Variants in NRXN1 observed in about 807,000 individuals in gnomAD.
The protein encoded by NRXN1 is neurexin-1.
In NRXN1, 39 loss-of-function variants were observed where a neutral mutation model predicts 150.9. That is an observed-to-expected ratio of 0.26 (90% CI 0.20 to 0.34). The LOEUF is 0.34. Among genes scored for constraint, NRXN1 ranks in the 10% least tolerant of loss-of-function variants. The pLI, the probability that NRXN1 is intolerant of heterozygous loss-of-function variation, is 1.00. For synonymous variants in NRXN1, 924 were observed against 757.0 expected, an observed-to-expected ratio of 1.22 and a Z score of -3.62; for missense variants, 1,815 against 1,949.9, an observed-to-expected ratio of 0.93 and a Z score of 1.30.
chr2:50,674,130 T>G (rs1689232494), intron 5 of NRXN1, among the ~76,000 whole-genome samples: 1 of 152,054 alleles, frequency 6.6e-6, no homozygotes, highest in Admixed American at 6.6e-5. Context: ...TAAAATAATG[T>G]GTAATAACAG....
chr2:50,976,792 C>T (rs1292992930), intron 2 of NRXN1, among the ~76,000 whole-genome samples: 1 of 151,462 alleles, frequency 6.6e-6, no homozygotes, highest in African/African-American at 2.4e-5. Flanking sequence ...TTGAGCATAC[C>T]AAAAAAATCA....
At chr2:50,326,435 G>C (rs1278883414) in intron 17 of NRXN1, among the ~76,000 whole-genome samples, 1 of 152,130 alleles carries the variant, frequency 6.6e-6, no homozygotes, top group Non-Finnish European at 1.5e-5. Flanking sequence ...TTTTTCATAA[G>C]TATTTTAATT....
intron 2 of NRXN1, among the ~76,000 whole-genome samples, chr2:51,018,739 A>G (rs1022777240): frequency 1.3e-5 from 2 of 152,090 alleles, no homozygotes; most frequent in African/African-American, 4.8e-5. Context: ...TATTTTCAAT[A>G]ATTTTATCAT....
chr2:50,439,816 C>CA (rs57765606), intron 17 of NRXN1, among the ~76,000 whole-genome samples: 21,090 of 125,956 alleles, frequency 0.17, 2,524 homozygotes, highest in East Asian at 0.45. Context: ...GACTCTGTCT[C>CA]AAAAAAAAAA....
chr2:50,576,581 A>G (rs905670949), intron 8 of NRXN1, among the ~76,000 whole-genome samples: 1 of 152,076 alleles, frequency 6.6e-6, no homozygotes, highest in Non-Finnish European at 1.5e-5. Flanking sequence ...TGTAAATTCA[A>G]TAGCCTCTCT....
intron 17 of NRXN1, among the ~76,000 whole-genome samples, chr2:50,306,110 A>G (rs2074587815): frequency 6.6e-6 from 1 of 152,212 alleles, no homozygotes; most frequent in African/African-American, 2.4e-5. Context: ...TTAGACCTCT[A>G]TCTTACAAGA....
At chr2:50,955,313 C>T (rs1692107907) in intron 2 of NRXN1, among the ~76,000 whole-genome samples, 1 of 152,174 alleles carries the variant, frequency 6.6e-6, no homozygotes. Context: ...CTGTCACCAG[C>T]TGTGTATAGT....
intron 18 of NRXN1, among the ~76,000 whole-genome samples, chr2:50,200,885 T>C (rs559744464): frequency 6.6e-6 from 1 of 152,184 alleles, no homozygotes; most frequent in East Asian, 1.9e-4. Context: ...TTTTTTTCAT[T>C]TTTCTTGTTC....
intron 2 of NRXN1, among the ~76,000 whole-genome samples, chr2:50,989,280 T>C (rs943311771): frequency 4.6e-5 from 7 of 152,024 alleles, no homozygotes; most frequent in Non-Finnish European, 7.4e-5. Flanking sequence ...CTCATTACTA[T>C]GACTACATTC....
chr2:50,609,806 T>A (rs1246439902), intron 8 of NRXN1, among the ~76,000 whole-genome samples: 1 of 152,146 alleles, frequency 6.6e-6, no homozygotes, highest in Non-Finnish European at 1.5e-5. Flanking sequence ...ATGACCTATG[T>A]CAACCTAATT....
intron 2 of NRXN1, among the ~76,000 whole-genome samples, chr2:50,984,052 C>CAGG (rs1558533976): frequency 4.0e-5 from 6 of 151,748 alleles, no homozygotes; most frequent in Non-Finnish European, 8.8e-5. Context: ...ACTGCAACCT[C>CAGG]CACCTCCTGG....
At chr2:50,271,577 T>G (rs947258154) in intron 17 of NRXN1, among the ~76,000 whole-genome samples, 21 of 152,150 alleles carry the variant, frequency 1.4e-4, no homozygotes, top group African/African-American at 5.1e-4. Flanking sequence ...TGAAACCCAA[T>G]GAGAGCAAGT....
At chr2:50,072,106 A>C (rs371252990) in intron 19 of NRXN1, among the ~76,000 whole-genome samples, 1 of 152,320 alleles carries the variant, frequency 6.6e-6, no homozygotes, top group South Asian at 2.1e-4. Context: ...TCCAAAAGGA[A>C]CTACTTAACC....
At chr2:50,818,131 A>G (rs1204584700) in intron 5 of NRXN1, among the ~76,000 whole-genome samples, 1 of 149,208 alleles carries the variant, frequency 6.7e-6, no homozygotes, top group Non-Finnish European at 1.5e-5. Context: ...AAAAAAAAAA[A>G]AAAGTTGGAA....
At chr2:50,478,650 C>G (rs2090192172) in intron 15 of NRXN1, among the ~76,000 whole-genome samples, 1 of 152,170 alleles carries the variant, frequency 6.6e-6, no homozygotes, top group African/African-American at 2.4e-5. Context: ...TAGGAAATAA[C>G]CATAAATTAT....
chr2:50,418,496 G>C (rs1428200438), intron 17 of NRXN1, among the ~76,000 whole-genome samples: 3 of 152,068 alleles, frequency 2.0e-5, no homozygotes, highest in African/African-American at 7.2e-5. Flanking sequence ...ACGGAGAAAG[G>C]GAGCGGTGCT....
At position 50,540,306 on chromosome 2, in the gene NRXN1, A is replaced by C. The variant is rs550429145; in HGVS notation, c.1760-1670T>G. On this transcript the variant is annotated intron_variant, in intron 9 of 22. Coordinates refer to ENST00000401669, the MANE Select transcript of NRXN1 (RefSeq NM_001330078.2). The stretch of plus-strand genomic sequence containing the variant: ...ACTGTTCACATTTGTACAAGTGTCT[A>C]GAAGAAAACTCTCATTTAGGAACAT... Among the ~76,000 whole-genome samples, 103 of 152,354 alleles carry C rather than the reference A, an allele frequency of 6.8e-4. 1 individual carries two copies. The highest frequency in any genetic ancestry group is 1.4e-3 in the South Asian group (7 of 4,832).
Position 51,028,414 on chromosome 2 carries a change from A to T in NRXN1, c.-141T>A, listed in dbSNP as rs1670970247. ...GAGTGAGAGGGATGTGCCCTCCTTT[A>T]TCTAGTTCTTTTTTTCTTCTTCTTC... On this transcript the variant is annotated 5_prime_UTR_variant, in exon 2 of 23. Coordinates refer to ENST00000401669, the MANE Select transcript of NRXN1 (RefSeq NM_001330078.2). 2 of 492,404 alleles carry T rather than the reference A, an allele frequency of 4.1e-6. No individual in the cohort carries two copies. Among genetic ancestry groups the T allele is most frequent in the South Asian group, 1.1e-4 (2 of 18,574 alleles). The allele number at this position is 492,404 out of a possible 1,614,324, so 30.5% of individuals were successfully genotyped here.
At chr2:50,699,190 G>A (rs1693380172) in intron 5 of NRXN1, among the ~76,000 whole-genome samples, 1 of 152,028 alleles carries the variant, frequency 6.6e-6, no homozygotes, top group Non-Finnish European at 1.5e-5. Flanking sequence ...AAGATTAAAT[G>A]GAAACAAAAG....
Sources: allele counts gnomAD v4.1 joint callset (sites outside exome capture counted in the v4.1 genomes callset), GRCh38; gene constraint gnomAD v4.1.1; transcripts MANE v1.5; gene names NCBI Gene and HGNC (gene_info 2026-07-23, HGNC 2026-07-21).